Variants in ST6GALNAC5 observed in about 807,000 individuals in gnomAD.
The protein encoded by ST6GALNAC5 is ST6 N-acetylgalactosaminide alpha-2,6-sialyltransferase 5.
A neutral mutation model predicts 33.6 loss-of-function variants in ST6GALNAC5; 27 were observed. That is an observed-to-expected ratio of 0.80 (90% confidence interval 0.59 to 1.11). The LOEUF is 1.11. ST6GALNAC5 is among the 50% of genes least tolerant of loss of function. The probability of loss-of-function intolerance (pLI) is 0.00; values close to 1 mark genes in which losing one functional copy is unlikely to be tolerated. For missense variants in ST6GALNAC5, 428 were observed against 454.0 expected (o/e 0.94, Z 0.52); for synonymous variants, 194 against 171.2 (o/e 1.13, Z -1.04).
intron 2 of ST6GALNAC5, among the ~76,000 whole-genome samples, chr1:76,884,539 C>T (rs780806365): frequency 2.6e-5 from 4 of 152,102 alleles, no homozygotes; most frequent in Admixed American, 6.6e-5. Context: ...AGGGGGCAAG[C>T]TTTATTCTAG....
At chr1:76,873,574 G>C (rs1487629830) in intron 2 of ST6GALNAC5, among the ~76,000 whole-genome samples, 2 of 152,126 alleles carry the variant, frequency 1.3e-5, no homozygotes, top group East Asian at 3.9e-4. Context: ...TTCTCTACAA[G>C]AATCATCATT....
intron 2 of ST6GALNAC5, among the ~76,000 whole-genome samples, chr1:77,032,390 A>G (rs777390139): frequency 1.3e-5 from 2 of 152,154 alleles, no homozygotes; most frequent in Non-Finnish European, 2.9e-5. Context: ...GGTGAAAAAG[A>G]TAGTGAGTTG....
intron 2 of ST6GALNAC5, among the ~76,000 whole-genome samples, chr1:76,874,822 C>A (rs1057105204): frequency 6.6e-6 from 1 of 152,092 alleles, no homozygotes; most frequent in African/African-American, 2.4e-5. Flanking sequence ...TATTAACCAT[C>A]GCAAGTCCAC....
At chr1:76,899,359 T>C (rs1041829858) in intron 2 of ST6GALNAC5, among the ~76,000 whole-genome samples, 2 of 145,568 alleles carry the variant, frequency 1.4e-5, no homozygotes, top group African/African-American at 2.6e-5. Context: ...AGAGAAGGGG[T>C]CGGGGTGTGG....
rs954750714 is a variant in ST6GALNAC5, at chr1:77,066,344, C to A, written c.*3138C>A. On this transcript the variant is annotated 3_prime_UTR_variant, in exon 5 of 5. Coordinates refer to ENST00000477717, the MANE Select transcript of ST6GALNAC5 (RefSeq NM_030965.3). Reference sequence around the variant, plus strand: ...GTCTCTCACAATCCTTAGGTTACTACCAGATTTGTGTATCCTTTGTTTTCT... The same window carrying A: ...GTCTCTCACAATCCTTAGGTTACTAACAGATTTGTGTATCCTTTGTTTTCT... Among the ~76,000 whole-genome samples, 3 of 152,110 alleles carry A rather than the reference C, an allele frequency of 2.0e-5. No individual in the cohort carries two copies. Among genetic ancestry groups the A allele is most frequent in the African/African-American group, 7.2e-5 (3 of 41,416 alleles).
intron 2 of ST6GALNAC5, among the ~76,000 whole-genome samples, chr1:76,873,666 G>C (rs1371428629): frequency 3.3e-5 from 5 of 152,306 alleles, no homozygotes; most frequent in African/African-American, 4.8e-5. Flanking sequence ...GGGAGGAAGA[G>C]GAGGAAATGA....
At chr1:76,999,417 G>T (rs917500361) in intron 2 of ST6GALNAC5, among the ~76,000 whole-genome samples, 1 of 151,638 alleles carries the variant, frequency 6.6e-6, no homozygotes, top group African/African-American at 2.4e-5. Context: ...GTACAAACTT[G>T]CTCCTGCTGT....
chr1:76,920,190 A>G (rs1015234185), intron 2 of ST6GALNAC5, among the ~76,000 whole-genome samples: 1 of 152,152 alleles, frequency 6.6e-6, no homozygotes, highest in African/African-American at 2.4e-5. Flanking sequence ...CAGCTTCTCA[A>G]GTCAGCTCTA....
chr1:76,869,638 T>C (rs1653452090), intron 2 of ST6GALNAC5, among the ~76,000 whole-genome samples: 1 of 152,212 alleles, frequency 6.6e-6, no homozygotes, highest in South Asian at 2.1e-4. Context: ...AATTTTGTGG[T>C]TGTGAACCGA....
At chr1:76,908,370 T>A in intron 2 of ST6GALNAC5, among the ~76,000 whole-genome samples, 1 of 152,126 alleles carries the variant, frequency 6.6e-6, no homozygotes, top group East Asian at 1.9e-4. Flanking sequence ...CTCTGGAGCC[T>A]CTTTCATTCA....
chr1:76,886,572 CT>C (rs1267424667), intron 2 of ST6GALNAC5, among the ~76,000 whole-genome samples: 1 of 152,134 alleles, frequency 6.6e-6, no homozygotes, highest in Non-Finnish European at 1.5e-5. Context: ...CCAACAAGCT[CT>C]TTATAAAATC....
At chr1:77,030,281 G>A (rs1327031178) in intron 2 of ST6GALNAC5, among the ~76,000 whole-genome samples, 1 of 152,176 alleles carries the variant, frequency 6.6e-6, no homozygotes, top group Non-Finnish European at 1.5e-5. Flanking sequence ...ACACATGTGG[G>A]AGTGGCTTTG....
intron 2 of ST6GALNAC5, among the ~76,000 whole-genome samples, chr1:76,959,273 G>A (rs1276439851): frequency 6.6e-6 from 1 of 152,146 alleles, no homozygotes; most frequent in African/African-American, 2.4e-5. Context: ...ATTTATTCTT[G>A]CTGCTTTGAT....
In ST6GALNAC5 at chr1:77,064,575, T is replaced by C. The variant is rs931412138; in HGVS notation, c.*1369T>C. ...TGTTTAGACTCACTACAAATCTTCT[T>C]AGATTATATTCATTACCATTCCCTG... is the stretch of plus-strand genomic sequence containing the variant. On this transcript the variant is annotated 3_prime_UTR_variant, in exon 5 of 5. Transcript: ENST00000477717. 7.9e-5 allele frequency: 12 copies of C among 152,170 alleles called. No individual in the cohort carries two copies. The highest frequency in any genetic ancestry group is 2.9e-4 in the African/African-American group (12 of 41,450). 9.4% of individuals were successfully genotyped at this position (152,170 alleles called of 1,614,324 possible).
intron 2 of ST6GALNAC5, among the ~76,000 whole-genome samples, chr1:76,924,791 G>A (rs574005836): frequency 5.3e-5 from 8 of 152,194 alleles, no homozygotes; most frequent in Admixed American, 5.2e-4. Flanking sequence ...AGTCCTTTGC[G>A]TCCAAACATT....
intron 2 of ST6GALNAC5, among the ~76,000 whole-genome samples, chr1:76,971,948 C>A (rs1648775201): frequency 6.6e-6 from 1 of 152,150 alleles, no homozygotes; most frequent in Non-Finnish European, 1.5e-5. Flanking sequence ...CAGTTTCCAT[C>A]CCTCTCAACA....
intron 2 of ST6GALNAC5, among the ~76,000 whole-genome samples, chr1:76,869,535 T>C (rs1224655357): frequency 1.3e-5 from 2 of 152,220 alleles, no homozygotes; most frequent in Non-Finnish European, 2.9e-5. Flanking sequence ...AAGCTGCTCG[T>C]ATGTTTTTAT....
intron 2 of ST6GALNAC5, among the ~76,000 whole-genome samples, chr1:76,950,859 G>A (rs2100337404): frequency 6.6e-6 from 1 of 152,106 alleles, no homozygotes; most frequent in East Asian, 1.9e-4. Context: ...TTTGACAAGT[G>A]CGCAGCCACA....
At chr1:76,893,399 T>A (rs1654054381) in intron 2 of ST6GALNAC5, among the ~76,000 whole-genome samples, 2 of 152,202 alleles carry the variant, frequency 1.3e-5, no homozygotes, top group South Asian at 4.1e-4. Flanking sequence ...AAAACTTAAG[T>A]GTCTTTGGAG....
Sources: allele counts gnomAD v4.1 joint callset (sites outside exome capture counted in the v4.1 genomes callset), GRCh38; gene constraint gnomAD v4.1.1; transcripts MANE v1.5; gene names NCBI Gene and HGNC (gene_info 2026-07-23, HGNC 2026-07-21).